The following ATP10B variants were observed in gnomAD, a reference collection of about 807,000 sequenced individuals.
The protein encoded by ATP10B is ATPase phospholipid transporting 10B (putative), also known as phospholipid-transporting ATPase VB.
ATP10B carries 122 observed loss-of-function variants against 141.2 expected under a neutral mutation model. The observed-to-expected ratio is 0.86, with a 90% CI of 0.75 to 1.00. The LOEUF is 1.00. Among genes scored for constraint, ATP10B ranks in the 50% least tolerant of loss-of-function variants. The pLI is 0.00. For missense variants in ATP10B, 1,876 were observed against 1,825.3 expected, an observed-to-expected ratio of 1.03 and a Z score of -0.51; for synonymous variants, 685 against 692.0, an observed-to-expected ratio of 0.99 and a Z score of 0.16.
At chr5:160,694,240 T>C (rs1436729178) in intron 3 of ATP10B, among the ~76,000 whole-genome samples, 1 of 152,160 alleles carries the variant, frequency 6.6e-6, no homozygotes, top group Non-Finnish European at 1.5e-5. Context: ...GATTGCATAA[T>C]CCCATTATCT....
At chr5:160,724,345 C>A (rs13185626) in intron 2 of ATP10B, among the ~76,000 whole-genome samples, 129,346 of 149,374 alleles carry the variant, frequency 0.87, 56,145 homozygotes, top group African/African-American at 0.9. Context: ...GTAACTTTGA[C>A]CTACAGGCCT....
chr5:160,721,097 C>G (rs1765969470), intron 2 of ATP10B, among the ~76,000 whole-genome samples: 1 of 152,108 alleles, frequency 6.6e-6, no homozygotes, highest in Non-Finnish European at 1.5e-5. Flanking sequence ...AAGTTGCCAT[C>G]TGGGCCTTCA....
At chr5:160,835,345 GA>G (rs1465646525) in intron 1 of ATP10B, among the ~76,000 whole-genome samples, 2 of 152,150 alleles carry the variant, frequency 1.3e-5, no homozygotes, top group Non-Finnish European at 2.9e-5. Flanking sequence ...GTTGTCGGAA[GA>G]ATGTTTAGCT....
intron 13 of ATP10B, 113 bp from the exon 14 acceptor site, chr5:160,622,698 G>T (rs1303565736): frequency 1.4e-5 from 14 of 1,023,012 alleles, no homozygotes; most frequent in Non-Finnish European, 2.0e-5. Flanking sequence ...CTTGCATCCA[G>T]CATGTTTTCC....
At chr5:160,845,980 T>C (rs1776093705) in intron 1 of ATP10B, among the ~76,000 whole-genome samples, 2 of 152,216 alleles carry the variant, frequency 1.3e-5, no homozygotes, top group Non-Finnish European at 2.9e-5. Context: ...TTTAAAAATA[T>C]TCTTTTGCTT....
the ATP10B span, among the ~76,000 whole-genome samples, chr5:160,866,224 C>T: frequency 1.3e-5 from 2 of 152,174 alleles, no homozygotes; most frequent in Non-Finnish European, 2.9e-5. Context: ...GAATACTACT[C>T]AGCCCACAAA....
At chr5:160,593,684 A>T (rs901278616) in intron 22 of ATP10B, among the ~76,000 whole-genome samples, 7 of 152,358 alleles carry the variant, frequency 4.6e-5, no homozygotes, top group Admixed American at 1.3e-4. Flanking sequence ...ATGAATGTAG[A>T]ACTAGAATAA....
chr5:160,569,703 A>G lies in ATP10B; in HGVS notation c.3751-20T>C. ...AATGGTCTGTGGAGGGAAATAAGCA[A>G]ACACTGTTGAAGGTATAGCTGAGAT... On this transcript the variant is annotated intron_variant, in intron 24 of 25. Transcript: ENST00000327245. The G allele has an allele frequency of 6.5e-7, 1 of 1,529,560 alleles. No homozygotes were observed. Among genetic ancestry groups the G allele is most frequent in the Non-Finnish European group, 8.8e-7 (1 of 1,140,542 alleles). The allele number at this position is 1,529,560 out of a possible 1,614,324, so 94.7% of individuals were successfully genotyped here.
intron 7 of ATP10B, 32 bp downstream of exon 7, chr5:160,670,431 T>C (rs761306238): frequency 5.0e-6 from 8 of 1,609,526 alleles, no homozygotes; most frequent in Admixed American, 1.7e-5. Context: ...TTTCTATGAC[T>C]TTACCATTGA....
chr5:160,822,989 CAT>C (rs773879988), intron 1 of ATP10B, among the ~76,000 whole-genome samples: 1 of 69,706 alleles, frequency 1.4e-5, no homozygotes, highest in Non-Finnish European at 2.8e-5. Flanking sequence ...ATTACATATA[CAT>C]ATATATATAC....
chr5:160,792,124 C>A (rs1432624260), intron 1 of ATP10B, among the ~76,000 whole-genome samples: 1 of 152,112 alleles, frequency 6.6e-6, no homozygotes, highest in East Asian at 1.9e-4. Context: ...CCCCCCCTCC[C>A]TAAACTTTCA....
chr5:160,732,296 T>TG (rs1766801945), intron 2 of ATP10B, among the ~76,000 whole-genome samples: 1 of 152,228 alleles, frequency 6.6e-6, no homozygotes, highest in Admixed American at 6.5e-5. Context: ...TTAGTAAATC[T>TG]GAAGATACAG....
the ATP10B span, among the ~76,000 whole-genome samples, chr5:160,874,696 G>C: frequency 6.6e-6 from 1 of 152,180 alleles, no homozygotes; most frequent in East Asian, 1.9e-4. Flanking sequence ...TAAAGGAGCT[G>C]ATGGAGCTGA....
chr5:160,682,538 C>A (rs1324563423), intron 6 of ATP10B, among the ~76,000 whole-genome samples: 2 of 152,126 alleles, frequency 1.3e-5, no homozygotes, highest in African/African-American at 2.4e-5. Flanking sequence ...TGGTCTAATC[C>A]ACACTGAGAT....
the ATP10B span, among the ~76,000 whole-genome samples, chr5:160,857,980 T>G: frequency 6.6e-6 from 1 of 152,086 alleles, no homozygotes; most frequent in African/African-American, 2.4e-5. Flanking sequence ...ATTCTACTTT[T>G]CTTGGGGGAG....
Position 160,634,477 on chromosome 5 carries a change from T to A in ATP10B, c.1258A>T (p.Ile420Phe). The change falls in exon 12 of 26, where the codon ATC becomes TTC. Residue 420 changes from isoleucine (I) to phenylalanine (F), a missense_variant. Coordinates refer to ENST00000327245, the MANE Select transcript of ATP10B (RefSeq NM_025153.3). ...DLSIQCRALN[I>F]AEDLGQIQYI... is the part of the protein sequence containing the mutation. ...TGGATCTGGCCCAAGTCCTCTGCGA[T>A]GTTGAGGGCTCGACATTGAATGGAT... 2 of 1,614,184 alleles carry A rather than the reference T, an allele frequency of 1.2e-6. No homozygotes were observed. The highest frequency in any genetic ancestry group is 1.7e-6 in the Non-Finnish European group (2 of 1,180,020).
At chr5:160,680,768 A>T (rs1763339180) in intron 6 of ATP10B, among the ~76,000 whole-genome samples, 1 of 152,190 alleles carries the variant, frequency 6.6e-6, no homozygotes, top group Non-Finnish European at 1.5e-5. Context: ...CTCAGGTATA[A>T]CCTAGTTAGT....
At chr5:160,570,670 G>A (rs748189294) in intron 24 of ATP10B, among the ~76,000 whole-genome samples, 1 of 152,110 alleles carries the variant, frequency 6.6e-6, no homozygotes, top group Admixed American at 6.6e-5. Context: ...TTGTTTGTAT[G>A]GTCAGTATTC....
intron 3 of ATP10B, among the ~76,000 whole-genome samples, chr5:160,701,290 C>T (rs1764654638): frequency 6.6e-6 from 1 of 152,156 alleles, no homozygotes; most frequent in Admixed American, 6.5e-5. Context: ...ATAAACTAGA[C>T]ACAGACTTTC....
Sources: allele counts gnomAD v4.1 joint callset (sites outside exome capture counted in the v4.1 genomes callset), GRCh38; gene constraint gnomAD v4.1.1; transcripts MANE v1.5; gene names NCBI Gene and HGNC (gene_info 2026-07-23, HGNC 2026-07-21).